The following FIGN variants were observed in gnomAD, a reference collection of about 807,000 sequenced individuals.
FIGN encodes the protein fidgetin, microtubule severing factor, also known as fidgetin.
Under a neutral mutation model 51.3 loss-of-function variants are expected in FIGN, and 11 were observed. The ratio of observed to expected loss-of-function variants is 0.21; its 90% CI spans 0.13 to 0.35. FIGN has a LOEUF of 0.35. Among genes scored for constraint, FIGN ranks in the 10% least tolerant of loss-of-function variants. The probability of loss-of-function intolerance (pLI) is 1.00; values close to 1 mark genes in which losing one functional copy is unlikely to be tolerated. For synonymous variants in FIGN, 407 were observed against 363.2 expected (o/e 1.12, Z -1.37); for missense variants, 857 against 943.6 (o/e 0.91, Z 1.20).
intron 2 of FIGN, among the ~76,000 whole-genome samples, chr2:163,640,803 C>T (rs1233654090): frequency 6.6e-6 from 1 of 152,162 alleles, no homozygotes; most frequent in Admixed American, 6.6e-5. Flanking sequence ...AAAAGAAAAT[C>T]CCTCAACAGG....
At chr2:163,655,804 C>CACGGAGAGAG (rs374458554) in intron 2 of FIGN, among the ~76,000 whole-genome samples, 1 of 145,780 alleles carries the variant, frequency 6.9e-6, no homozygotes, top group African/African-American at 2.5e-5. Context: ...CACACACACA[C>CACGGAGAGAG]AGAGAGAGAG....
At chr2:163,716,190 C>T (rs1425027666) in intron 2 of FIGN, among the ~76,000 whole-genome samples, 1 of 152,198 alleles carries the variant, frequency 6.6e-6, no homozygotes, top group East Asian at 1.9e-4. Context: ...AATGTCTCTT[C>T]CAGTGCCACT....
At position 163,709,797 on chromosome 2, in the gene FIGN, T is replaced by C. The variant is rs138083046; in HGVS notation, c.25+25106A>G. ...TCATATTTATGAGAAAAAAATAGAA[T>C]GGTGTTTTAAAATGGGCAGGTCAAT... On this transcript the variant is annotated intron_variant, in intron 2 of 2. Transcript: ENST00000333129. Among the ~76,000 whole-genome samples the C allele has an allele frequency of 8.5e-5, 13 of 152,184 alleles. No homozygotes were observed. The East Asian group carries it at 2.5e-3, about 29-fold the overall frequency.
chr2:163,690,963 A>G (rs1684231066), intron 2 of FIGN, among the ~76,000 whole-genome samples: 1 of 152,164 alleles, frequency 6.6e-6, no homozygotes, highest in Non-Finnish European at 1.5e-5. Flanking sequence ...TTTACCAGAC[A>G]GTATGAGGAA....
In FIGN at chr2:163,639,738, G is replaced by A. The variant is rs549268094; in HGVS notation, c.26-27932C>T. On this transcript the variant is annotated intron_variant, in intron 2 of 2. Transcript: ENST00000333129. The stretch of plus-strand genomic sequence containing the variant: ...AATCTAAAAGGCATTTTTTTAACAC[G>A]AAATCAATTATTTTTCAAATAATAT... 3.3e-5 allele frequency among the ~76,000 whole-genome samples: 5 copies of A among 152,038 alleles called. 1 individual carries two copies. The highest frequency in any genetic ancestry group is 7.2e-5 in the African/African-American group (3 of 41,486).
intron 2 of FIGN, among the ~76,000 whole-genome samples, chr2:163,658,744 C>A (rs1380248292): frequency 6.6e-6 from 1 of 152,168 alleles, no homozygotes; most frequent in Admixed American, 6.5e-5. Flanking sequence ...CTGCACAATC[C>A]AAACACCTTT....
At chr2:163,731,038 A>T (rs1684919826) in intron 2 of FIGN, among the ~76,000 whole-genome samples, 2 of 152,184 alleles carry the variant, frequency 1.3e-5, no homozygotes, top group South Asian at 2.1e-4. Flanking sequence ...TTTCAAATAC[A>T]TCTAGTAATT....
chr2:163,704,519 C>A (rs139797903), intron 2 of FIGN, among the ~76,000 whole-genome samples: 1 of 151,892 alleles, frequency 6.6e-6, no homozygotes, highest in Non-Finnish European at 1.5e-5. Context: ...AATTTTTATT[C>A]CCATCTCTGT....
chr2:163,682,344 G>C (rs1267027772), intron 2 of FIGN, among the ~76,000 whole-genome samples: 1 of 152,150 alleles, frequency 6.6e-6, no homozygotes, highest in Admixed American at 6.5e-5. Context: ...ATTACTATTA[G>C]CAGGAGCATA....
In FIGN at chr2:163,606,884, TTAATTTTTAAGTCACTCAGAGTTC is replaced by T. The variant is rs1159522754; in HGVS notation, c.*2644_*2667del. ...GATTTTTGACCACTTGCATCTCAAA[TTAATTTTTAAGTCACTCAGAGTTC>T]TAATTTTTAAGTCACTTAAAGCTAA... On this transcript the variant is annotated 3_prime_UTR_variant, in exon 3 of 3. Transcript: ENST00000333129. 3 of 152,218 alleles carry T rather than the reference TTAATTTTTAAGTCACTCAGAGTTC, an allele frequency of 2.0e-5. No individual in the cohort carries two copies. The highest frequency in any genetic ancestry group is 7.2e-5 in the African/African-American group (3 of 41,456). 9.4% of individuals were successfully genotyped at this position (152,218 alleles called of 1,614,324 possible).
chr2:163,641,031 C>A (rs1422243457), intron 2 of FIGN, among the ~76,000 whole-genome samples: 1 of 152,168 alleles, frequency 6.6e-6, no homozygotes. Context: ...TCAGAGGCAG[C>A]TGATTAGGAT....
At chr2:163,685,860 T>C (rs1439331897) in intron 2 of FIGN, among the ~76,000 whole-genome samples, 1 of 152,192 alleles carries the variant, frequency 6.6e-6, no homozygotes, top group Non-Finnish European at 1.5e-5. Context: ...AATGGGTTTC[T>C]AGAACTGCAT....
rs1553498232 is a variant in FIGN, at chr2:163,660,752, C to CATATACATATATATGTATAT, written c.26-48947_26-48946insATATACATATATATGTATAT. Among the ~76,000 whole-genome samples, 2 of 21,886 alleles carry CATATACATATATATGTATAT rather than the reference C, an allele frequency of 9.1e-5. 1 individual carries two copies. The highest frequency in any genetic ancestry group is 3.3e-4 in the African/African-American group (2 of 6,088). The allele number at this position is 21,886 out of a possible 152,430, so 14.4% of individuals were successfully genotyped here. The stretch of plus-strand genomic sequence containing the variant: ...ATACACATATACATATATATGTATA[C>CATATACATATATATGTATAT]ACATATACATATATATGTATACACA... On this transcript the variant is annotated intron_variant, in intron 2 of 2. Coordinates refer to ENST00000333129, the MANE Select transcript of FIGN (RefSeq NM_018086.4).
rs752427253 is a variant in FIGN, at chr2:163,610,700, G to A, written c.1132C>T (p.Pro378Ser). ...TCAGAGGACATTAGCTGCTTCGTTG[G>A]CTTAAATGCTAAGGATGATGTTTCA... ...SAETSSLAFK[P>S]TKQLMSSEQQ... Residue 378 changes from proline to serine, a missense_variant, in exon 3 of 3, where the codon CCA (proline) becomes TCA (serine). Physicochemically the swap from Pro to Ser is moderately conservative, Grantham distance 74. Around this residue, in one of 3 missense-constraint regions of FIGN, gnomAD observed 799 missense variants for 849.5 expected, o/e 0.94. Coordinates refer to ENST00000333129, the MANE Select transcript of FIGN (RefSeq NM_018086.4). 6.2e-7 allele frequency: 1 copy of A among 1,614,172 alleles called. No individual in the cohort carries two copies. Among genetic ancestry groups the A allele is most frequent in the East Asian group, 2.2e-5 (1 of 44,870 alleles).
At chr2:163,720,886 T>C (rs778517312) in intron 2 of FIGN, among the ~76,000 whole-genome samples, 4 of 152,160 alleles carry the variant, frequency 2.6e-5, no homozygotes, top group African/African-American at 7.2e-5. Flanking sequence ...AGGACAAATA[T>C]AGTTTCATAT....
At chr2:163,682,342 T>C (rs1054181231) in intron 2 of FIGN, among the ~76,000 whole-genome samples, 1 of 152,172 alleles carries the variant, frequency 6.6e-6, no homozygotes, top group Non-Finnish European at 1.5e-5. Flanking sequence ...TAATTACTAT[T>C]AGCAGGAGCA....
chr2:163,719,475 A>G (rs1684721069), intron 2 of FIGN, among the ~76,000 whole-genome samples: 1 of 152,112 alleles, frequency 6.6e-6, no homozygotes, highest in Admixed American at 6.5e-5. Flanking sequence ...CCATAACAAA[A>G]TGTTGGCTCC....
At chr2:163,690,666 T>C (rs1684226198) in intron 2 of FIGN, among the ~76,000 whole-genome samples, 1 of 152,124 alleles carries the variant, frequency 6.6e-6, no homozygotes, top group Non-Finnish European at 1.5e-5. Context: ...GTCTGAATTA[T>C]GTAATCTAGA....
chr2:163,612,652 C>T (rs1331821721), intron 2 of FIGN: 22 of 980,422 alleles, frequency 2.2e-5, no homozygotes, highest in Non-Finnish European at 2.7e-5. Flanking sequence ...TCTTATAATC[C>T]CTCCTCCCCT....
Sources: allele counts gnomAD v4.1 joint callset (sites outside exome capture counted in the v4.1 genomes callset), GRCh38; gene constraint gnomAD v4.1.1; regional missense constraint gnomAD v4.1.1; transcripts MANE v1.5; gene names NCBI Gene and HGNC (gene_info 2026-07-23, HGNC 2026-07-21).